The following PDE12 variants were observed in gnomAD, a reference collection of about 807,000 sequenced individuals.
PDE12 encodes 2',5'-phosphodiesterase 12.
Under a neutral mutation model 45.4 loss-of-function variants are expected in PDE12, and 26 were observed. The observed-to-expected ratio is 0.57, with a 90% CI of 0.42 to 0.79. The LOEUF is 0.79. Among genes scored for constraint, PDE12 ranks in the 30% least tolerant of loss-of-function variants. PDE12 has a pLI of 0.00. For synonymous variants in PDE12, 283 were observed against 323.9 expected (o/e 0.87, Z 1.36); for missense variants, 668 against 790.0 (o/e 0.85, Z 1.85).
At chr3:57,610,028 T>C in the PDE12 span, among the ~76,000 whole-genome samples, 270 of 152,274 alleles carry the variant, frequency 1.8e-3, 1 homozygote, top group Non-Finnish European at 2.9e-3. Flanking sequence ...CCAAAAAGCT[T>C]ATCCATCATA....
At position 57,564,893 on chromosome 3, in the gene PDE12, C is replaced by G. The variant is rs979123776; in HGVS notation, c.*4889C>G. 7 of 150,794 alleles carry G rather than the reference C, an allele frequency of 4.6e-5. No homozygotes were observed. In the East Asian group the frequency reaches 1.4e-3, roughly 29 times the overall value. The allele number at this position is 150,794 out of a possible 1,614,324, so 9.3% of individuals were successfully genotyped here. A position where few individuals can be genotyped will look rare whatever the true frequency, so the allele number is the denominator to read the frequency against. ...AAATGGTTTCACCATGTTGCCCAGG[C>G]TGGTCTTGAAATTCTCAGTTCAAGC... On this transcript the variant is annotated 3_prime_UTR_variant, in exon 3 of 3. Coordinates refer to ENST00000311180, the MANE Select transcript of PDE12 (RefSeq NM_177966.7).
In PDE12 at chr3:57,564,533, G is replaced by A. The variant is rs943080763; in HGVS notation, c.*4529G>A. ...AGTATTGATGTACTTTTTTTTTAGT[G>A]TATTGAAGTATTCCTAGGTTGCATT... On this transcript the variant is annotated 3_prime_UTR_variant, in exon 3 of 3. Transcript: ENST00000311180. 2 of 151,706 alleles carry A rather than the reference G, an allele frequency of 1.3e-5. No homozygotes were observed. The highest frequency in any genetic ancestry group is 2.4e-5 in the African/African-American group (1 of 41,306). The allele number at this position is 151,706 out of a possible 1,614,324, so 9.4% of individuals were successfully genotyped here. A position where few individuals can be genotyped will look rare whatever the true frequency, so the allele number is the denominator to read the frequency against.
the PDE12 span, among the ~76,000 whole-genome samples, chr3:57,579,449 G>C: frequency 7.3e-5 from 11 of 151,678 alleles, no homozygotes; most frequent in African/African-American, 2.7e-4. Flanking sequence ...CATTACACCT[G>C]GCTAATTTTT....
chr3:57,579,175 A>C, the PDE12 span, among the ~76,000 whole-genome samples: 1 of 126,820 alleles, frequency 7.9e-6, no homozygotes, highest in Non-Finnish European at 1.6e-5. Context: ...AATCCCAGCT[A>C]CTTGGCAGGC....
At chr3:57,593,460 T>C in the PDE12 span, among the ~76,000 whole-genome samples, 1 of 152,100 alleles carries the variant, frequency 6.6e-6, no homozygotes, top group Non-Finnish European at 1.5e-5. Flanking sequence ...AAATATAGGA[T>C]CCTTTCTCCT....
At chr3:57,604,585 G>T in the PDE12 span, among the ~76,000 whole-genome samples, 1 of 110,046 alleles carries the variant, frequency 9.1e-6, no homozygotes, top group Non-Finnish European at 1.7e-5. Flanking sequence ...CTCCTCTCAT[G>T]TCTTTCTTTT....
At chr3:57,637,107 G>C in the PDE12 span, among the ~76,000 whole-genome samples, 8 of 152,122 alleles carry the variant, frequency 5.3e-5, no homozygotes, top group Non-Finnish European at 1.2e-4. Flanking sequence ...TCTGGTCCAA[G>C]AATACTGCAC....
chr3:57,556,658 G>A lies in PDE12; in HGVS notation c.279G>A (p.Lys93=), dbSNP rs1471951996. 2.5e-6 allele frequency: 4 copies of A among 1,599,230 alleles called. No homozygotes were observed. In the South Asian group the frequency reaches 3.3e-5, roughly 13 times the overall value. Reference sequence around the variant, plus strand: ...GTCACGCTAAGGCGGCCGCCGCCAAGAAGAGCAGGAAGAGCCGGCCGAATG... The same window carrying A: ...GTCACGCTAAGGCGGCCGCCGCCAAAAAGAGCAGGAAGAGCCGGCCGAATG... ...LKGHAKAAAA[K]KSRKSRPNAS... Residue 93 remains lysine (K), a synonymous_variant, in exon 1 of 3, where the codon AAG becomes AAA. Coordinates refer to ENST00000311180, the MANE Select transcript of PDE12 (RefSeq NM_177966.7). This position sits in a 1 kb window ranked among gnomAD's most constrained non-coding sequence, Gnocchi z 5.0.
the PDE12 span, among the ~76,000 whole-genome samples, chr3:57,581,066 C>G: frequency 6.6e-6 from 1 of 152,154 alleles, no homozygotes; most frequent in Non-Finnish European, 1.5e-5. Flanking sequence ...AGCCCAGCTG[C>G]TATGAAATTA....
At chr3:57,617,517 T>C in the PDE12 span, among the ~76,000 whole-genome samples, 66 of 152,304 alleles carry the variant, frequency 4.3e-4, no homozygotes, top group African/African-American at 1.5e-3. Context: ...CATGTGTTTA[T>C]TGCAGCACTA....
the PDE12 span, chr3:57,596,946 TCCGACCC>T: frequency 4.0e-6 from 4 of 992,112 alleles, no homozygotes; most frequent in Non-Finnish European, 6.0e-6. Context: ...AAGAATTCCT[TCCGACCC>T]CCGACCCGGC....
At chr3:57,578,875 AT>A in the PDE12 span, among the ~76,000 whole-genome samples, 2 of 150,066 alleles carry the variant, frequency 1.3e-5, no homozygotes, top group East Asian at 3.9e-4. Flanking sequence ...AAAGTATAGA[AT>A]TTTCAGCTAG....
the PDE12 span, among the ~76,000 whole-genome samples, chr3:57,619,814 C>T: frequency 1.3e-5 from 2 of 151,986 alleles, no homozygotes; most frequent in African/African-American, 4.8e-5. Flanking sequence ...CACACCACTG[C>T]ACTCCAGCCC....
At chr3:57,607,123 C>T in the PDE12 span, among the ~76,000 whole-genome samples, 1 of 152,158 alleles carries the variant, frequency 6.6e-6, no homozygotes, top group Non-Finnish European at 1.5e-5. Context: ...GCTGCTGATA[C>T]CTAGGCAAAC....
the PDE12 span, among the ~76,000 whole-genome samples, chr3:57,573,939 T>TG: frequency 1.5e-4 from 22 of 150,564 alleles, no homozygotes; most frequent in African/African-American, 4.9e-4. Context: ...GGTTGTTTTT[T>TG]TTTGTTTGTT....
the PDE12 span, among the ~76,000 whole-genome samples, chr3:57,640,681 G>A: frequency 2.6e-5 from 4 of 152,302 alleles, no homozygotes; most frequent in East Asian, 5.8e-4. Flanking sequence ...ATGTCGGAGA[G>A]ATGTCTTCCA....
the PDE12 span, among the ~76,000 whole-genome samples, chr3:57,624,190 G>A: frequency 1.3e-5 from 2 of 150,036 alleles, no homozygotes; most frequent in Middle Eastern, 3.5e-3. Context: ...TCGCTCTGTC[G>A]CCCAGGCTGG....
chr3:57,577,552 T>G, the PDE12 span, among the ~76,000 whole-genome samples: 1 of 152,208 alleles, frequency 6.6e-6, no homozygotes, highest in African/African-American at 2.4e-5. Flanking sequence ...GAGAACTATT[T>G]GTAAGTTTAA....
chr3:57,604,984 C>G, the PDE12 span, among the ~76,000 whole-genome samples: 1 of 152,076 alleles, frequency 6.6e-6, no homozygotes, highest in Non-Finnish European at 1.5e-5. Context: ...GACCAAGTAA[C>G]AAAAACCAGA....
Sources: gnomAD v4.1 joint callset for allele counts (sites outside exome capture counted in the v4.1 genomes callset) on GRCh38, gnomAD v4.1.1 for gene constraint, Gnocchi (gnomAD v3.1) non-coding constraint, MANE v1.5 for transcripts, NCBI Gene and HGNC (gene_info 2026-07-23, HGNC 2026-07-21) for gene names.